The following ARB2A variants were observed in gnomAD, a reference collection of about 807,000 sequenced individuals.
ARB2A encodes ARB2 cotranscriptional regulator A, also known as cotranscriptional regulator ARB2A.
At chr5:94,019,456 C>A in the ARB2A span, among the ~76,000 whole-genome samples, 2 of 152,244 alleles carry the variant, frequency 1.3e-5, no homozygotes, top group South Asian at 2.1e-4. Flanking sequence ...AAAAAAACAA[C>A]CCCATCAAAA....
chr5:94,096,074 G>A, the ARB2A span, among the ~76,000 whole-genome samples: 3 of 152,186 alleles, frequency 2.0e-5, no homozygotes, highest in Admixed American at 2.0e-4. Context: ...ACAGCAGAGT[G>A]TATTAAACCA....
chr5:93,897,268 C>CT, the ARB2A span, among the ~76,000 whole-genome samples: 1 of 151,924 alleles, frequency 6.6e-6, no homozygotes, highest in Non-Finnish European at 1.5e-5. Context: ...AACATAAAGA[C>CT]TTATTTATTA....
chr5:94,084,585 A>G, the ARB2A span, among the ~76,000 whole-genome samples: 1 of 152,194 alleles, frequency 6.6e-6, no homozygotes, highest in Non-Finnish European at 1.5e-5. Flanking sequence ...CCAAGAACTG[A>G]TAAGACACTC....
chr5:94,024,888 A>G, the ARB2A span, among the ~76,000 whole-genome samples: 1 of 152,226 alleles, frequency 6.6e-6, no homozygotes, highest in African/African-American at 2.4e-5. Context: ...GTAGGTTTAT[A>G]TAGCTCATGC....
the ARB2A span, among the ~76,000 whole-genome samples, chr5:93,855,968 T>C: frequency 1.3e-5 from 2 of 152,004 alleles, no homozygotes; most frequent in African/African-American, 4.8e-5. Context: ...GGACAGAGAA[T>C]GACTTTGATG....
chr5:93,677,184 A>G, the ARB2A span, among the ~76,000 whole-genome samples: 2 of 152,326 alleles, frequency 1.3e-5, no homozygotes, highest in Middle Eastern at 3.4e-3. Flanking sequence ...AAAAGTTAAA[A>G]CTCAACTGCC....
the ARB2A span, among the ~76,000 whole-genome samples, chr5:94,004,998 C>CAAAAAAAAAAAAAAAAAAAAAAAA: frequency 3.2e-4 from 4 of 12,552 alleles, 1 homozygote; most frequent in Non-Finnish European, 6.5e-4. Context: ...ATTTTATCAG[C>CAAAAAAAAAAAAAAAAAAAAAAAA]AAAAAAAAAA....
At chr5:94,040,402 G>C in the ARB2A span, among the ~76,000 whole-genome samples, 1 of 151,258 alleles carries the variant, frequency 6.6e-6, no homozygotes. Context: ...TGTACACAAC[G>C]TGCAGGTTTG....
chr5:93,627,829 T>G, the ARB2A span, among the ~76,000 whole-genome samples: 5 of 152,176 alleles, frequency 3.3e-5, no homozygotes, highest in Non-Finnish European at 5.9e-5. Context: ...TTAGCAGGAA[T>G]GAAAACAACA....
chr5:93,980,550 A>T, the ARB2A span, among the ~76,000 whole-genome samples: 3 of 151,652 alleles, frequency 2.0e-5, no homozygotes, highest in African/African-American at 7.3e-5. Context: ...TTTTTCTAGA[A>T]CTCCTATTAA....
At chr5:93,816,016 C>A in the ARB2A span, among the ~76,000 whole-genome samples, 1 of 152,194 alleles carries the variant, frequency 6.6e-6, no homozygotes, top group Non-Finnish European at 1.5e-5. Context: ...TTCTCTCAAG[C>A]CTTCCCTTAA....
the ARB2A span, among the ~76,000 whole-genome samples, chr5:93,925,431 C>G: frequency 2.0e-5 from 3 of 152,100 alleles, no homozygotes; most frequent in Admixed American, 2.0e-4. Flanking sequence ...GAAGAAAGCC[C>G]ATTATTTGCC....
chr5:93,883,520 C>T, the ARB2A span, among the ~76,000 whole-genome samples: 2 of 151,550 alleles, frequency 1.3e-5, no homozygotes, highest in Admixed American at 6.6e-5. Context: ...TCTTGTAATT[C>T]ATTGTGATCA....
At chr5:94,026,370 A>C in the ARB2A span, among the ~76,000 whole-genome samples, 2 of 151,878 alleles carry the variant, frequency 1.3e-5, no homozygotes, top group Non-Finnish European at 1.5e-5. Context: ...TCCTGTGTCC[A>C]AGAAGAAGGA....
At chr5:93,951,874 C>T in the ARB2A span, among the ~76,000 whole-genome samples, 1 of 152,134 alleles carries the variant, frequency 6.6e-6, no homozygotes, top group Non-Finnish European at 1.5e-5. Flanking sequence ...AAAAGATTTC[C>T]TAAATGCCTA....
chr5:94,008,519 G>A, the ARB2A span, among the ~76,000 whole-genome samples: 1 of 152,066 alleles, frequency 6.6e-6, no homozygotes, highest in Admixed American at 6.6e-5. Flanking sequence ...GAAGACTTTC[G>A]ATGAGTGTCA....
chr5:93,795,626 T>C, the ARB2A span, among the ~76,000 whole-genome samples: 1 of 152,148 alleles, frequency 6.6e-6, no homozygotes, highest in African/African-American at 2.4e-5. Flanking sequence ...ATCTAAATTT[T>C]CCTTCCAACC....
At chr5:94,059,493 C>G in the ARB2A span, among the ~76,000 whole-genome samples, 1 of 151,340 alleles carries the variant, frequency 6.6e-6, no homozygotes, top group South Asian at 2.1e-4. Flanking sequence ...TGGTGGCACG[C>G]GCCTGTAATC....
the ARB2A span, among the ~76,000 whole-genome samples, chr5:93,691,139 C>T: frequency 2.0e-5 from 3 of 152,106 alleles, no homozygotes; most frequent in Non-Finnish European, 2.9e-5. Flanking sequence ...ATCACAACTC[C>T]TGGCCAGCAA....
Sources: gnomAD v4.1 joint callset for allele counts (sites outside exome capture counted in the v4.1 genomes callset) on GRCh38, gnomAD v4.1.1 for gene constraint, MANE v1.5 for transcripts, NCBI Gene and HGNC (gene_info 2026-07-23, HGNC 2026-07-21) for gene names.